The following ARHGAP40 variants were observed in gnomAD, a reference collection of about 807,000 sequenced individuals.
The protein encoded by ARHGAP40 is Rho GTPase activating protein 40, also known as rho GTPase-activating protein 40.
Under a neutral mutation model 73.5 loss-of-function variants are expected in ARHGAP40, and 43 were observed. The ratio of observed to expected loss-of-function variants is 0.58; its 90% CI spans 0.46 to 0.75. The LOEUF (loss-of-function observed/expected upper bound fraction) is 0.75, where lower values mean the gene tolerates loss of function less well. Among genes scored for constraint, ARHGAP40 ranks in the 30% least tolerant of loss-of-function variants. The probability of loss-of-function intolerance (pLI) is 0.00; values close to 1 mark genes in which losing one functional copy is unlikely to be tolerated. For synonymous variants in ARHGAP40, 300 were observed against 352.8 expected (o/e 0.85, Z 1.68); for missense variants, 734 against 861.8 (o/e 0.85, Z 1.86).
chr20:38,642,712 T>TCATC (rs1300454515), intron 10 of ARHGAP40, among the ~76,000 whole-genome samples: 8 of 145,786 alleles, frequency 5.5e-5, no homozygotes, highest in African/African-American at 2.0e-4. Flanking sequence ...CTTTCTCCAT[T>TCATC]CATCCATCCA....
intron 5 of ARHGAP40, among the ~76,000 whole-genome samples, chr20:38,633,807 C>A (rs773370333): frequency 4.6e-5 from 7 of 152,168 alleles, no homozygotes; most frequent in Non-Finnish European, 1.0e-4. Flanking sequence ...CCCAAGGTGG[C>A]CTCTAGATGG....
chr20:38,627,241 GCCCCGTC>G (rs750542001), intron 3 of ARHGAP40, 26 bp downstream of exon 3: 1 of 1,299,212 alleles, frequency 7.7e-7, no homozygotes, highest in South Asian at 1.2e-5. Flanking sequence ...GTCATTGCAG[GCCCCGTC>G]TGACTGGGAT....
exon 15 of ARHGAP40, chr20:38,649,993 A>G: frequency 2.0e-6 from 1 of 507,524 alleles, no homozygotes; most frequent in South Asian, 1.8e-5. Flanking sequence ...TGCCTCTCAG[A>G]CCCCTCAGAA....
chr20:38,640,627 C>T (rs74819808), intron 9 of ARHGAP40, among the ~76,000 whole-genome samples: 1,957 of 152,256 alleles, frequency 0.013, 42 homozygotes, highest in African/African-American at 0.045. Flanking sequence ...CCACCTCCTC[C>T]GGCTCAGGTC....
At chr20:38,647,682 C>T (rs929861481) in intron 13 of ARHGAP40, among the ~76,000 whole-genome samples, 2 of 152,168 alleles carry the variant, frequency 1.3e-5, no homozygotes, top group African/African-American at 4.8e-5. Context: ...CGTGAGCCAC[C>T]GCACCTGGCC....
chr20:38,617,631 G>T (rs919363586), intron 1 of ARHGAP40, among the ~76,000 whole-genome samples: 2 of 152,202 alleles, frequency 1.3e-5, no homozygotes, highest in African/African-American at 4.8e-5. Context: ...ATTCAGGAAG[G>T]CTCTAAGCCT....
intron 11 of ARHGAP40, 63 bp downstream of exon 11, chr20:38,643,973 A>G: frequency 8.1e-7 from 1 of 1,227,982 alleles, no homozygotes; most frequent in Non-Finnish European, 1.1e-6. Context: ...CCTGCTCTCC[A>G]GGAGCCTGGG....
At chr20:38,634,950 C>T (rs2088964814) in intron 6 of ARHGAP40, among the ~76,000 whole-genome samples, 165 bp downstream of exon 6, 1 of 150,606 alleles carries the variant, frequency 6.6e-6, no homozygotes, top group African/African-American at 2.4e-5. Context: ...GATGTGATCT[C>T]GGCTCACTGC....
chr20:38,614,823 A>T (rs1383826970), intron 1 of ARHGAP40: 7 of 743,836 alleles, frequency 9.4e-6, no homozygotes, highest in Admixed American at 6.6e-5. Context: ...TCATGCATTC[A>T]AAAGTGTCTC....
chr20:38,612,504 T>C (rs1025073626), intron 1 of ARHGAP40, among the ~76,000 whole-genome samples: 1 of 152,128 alleles, frequency 6.6e-6, no homozygotes, highest in Admixed American at 6.6e-5. Flanking sequence ...AGAAACCCTG[T>C]CTGTACTAAA....
At chr20:38,610,169 A>G (rs1287552161) in intron 1 of ARHGAP40, among the ~76,000 whole-genome samples, 1 of 152,070 alleles carries the variant, frequency 6.6e-6, no homozygotes, top group Non-Finnish European at 1.5e-5. Flanking sequence ...AATGTTATGC[A>G]TCTCTGTGTG....
At chr20:38,643,983 G>T (rs1044439048) in intron 11 of ARHGAP40, 73 bp downstream of exon 11, 2 of 1,214,626 alleles carry the variant, frequency 1.6e-6, no homozygotes, top group East Asian at 1.2e-4. Context: ...AGGAGCCTGG[G>T]CATTGTCCTT....
rs965924110 is a variant in ARHGAP40 at position 38,629,493 on chromosome 20, G to A, written c.635-9G>A. ...TGCCTTTCTCTGCTTTGTTTCCCCC[G>A]CCCCGCAGCAGCAGAGCCTGGGGGG... On this transcript the variant is annotated splice_polypyrimidine_tract_variant and intron_variant, in intron 4 of 14. Transcript: ENST00000373345. The A allele has an allele frequency of 1.3e-5, 17 of 1,305,014 alleles. No homozygotes were observed. Among genetic ancestry groups the A allele is most frequent in the South Asian group, 3.7e-5 (3 of 80,998 alleles). The allele number at this position is 1,305,014 out of a possible 1,614,324, so 80.8% of individuals were successfully genotyped here. A position where few individuals can be genotyped will look rare whatever the true frequency, so the allele number is the denominator to read the frequency against.
Position 38,633,440 on chromosome 20 carries a change from C to T in ARHGAP40, c.784-1180C>T, listed in dbSNP as rs2088954030. 2.6e-5 allele frequency among the ~76,000 whole-genome samples: 4 copies of T among 152,330 alleles called. 1 individual carries two copies. The South Asian group carries it at 8.3e-4, about 32-fold the overall frequency. ...AGTAGTAGTAAGTATTGAGTACTCACTATGTGTCGGGCACCATGTTTCATA... is the reference window on the plus strand; with the variant it reads ...AGTAGTAGTAAGTATTGAGTACTCATTATGTGTCGGGCACCATGTTTCATA... On this transcript the variant is annotated intron_variant, in intron 5 of 14. Transcript: ENST00000373345.
intron 1 of ARHGAP40, among the ~76,000 whole-genome samples, chr20:38,622,400 T>G (rs1167077243): frequency 6.6e-6 from 1 of 152,216 alleles, no homozygotes; most frequent in Non-Finnish European, 1.5e-5. Flanking sequence ...TTTGCCATTA[T>G]GACCAACCCT....
intron 1 of ARHGAP40, among the ~76,000 whole-genome samples, chr20:38,609,035 C>A (rs979099937): frequency 6.6e-6 from 1 of 152,194 alleles, no homozygotes; most frequent in African/African-American, 2.4e-5. Flanking sequence ...CCCACTCAGG[C>A]AACCCAGAAT....
At chr20:38,618,366 C>T (rs2088855399) in intron 1 of ARHGAP40, among the ~76,000 whole-genome samples, 1 of 152,194 alleles carries the variant, frequency 6.6e-6, no homozygotes, top group South Asian at 2.1e-4. Flanking sequence ...CTCAGCCTCC[C>T]AAAGTGCTGG....
intron 11 of ARHGAP40, among the ~76,000 whole-genome samples, chr20:38,645,299 GC>G (rs2145615623): frequency 6.6e-6 from 1 of 152,188 alleles, no homozygotes; most frequent in South Asian, 2.1e-4. Flanking sequence ...TCTGCACTCA[GC>G]CCTTTGAGAT....
intron 10 of ARHGAP40, among the ~76,000 whole-genome samples, chr20:38,642,509 C>T (rs62201574): frequency 0.019 from 2,850 of 152,266 alleles, 30 homozygotes; most frequent in Non-Finnish European, 0.028. Context: ...TAAAAGCTAA[C>T]TCATGAGGAA....
Sources: allele counts gnomAD v4.1 joint callset (sites outside exome capture counted in the v4.1 genomes callset), GRCh38; gene constraint gnomAD v4.1.1; transcripts MANE v1.5; gene names NCBI Gene and HGNC (gene_info 2026-07-23, HGNC 2026-07-21).